MYO1D: variants seen among roughly 807,000 people sequenced by gnomAD.
MYO1D encodes myosin ID, also known as unconventional myosin-Id.
A neutral mutation model predicts 122.0 loss-of-function variants in MYO1D; 83 were observed. That is an observed-to-expected ratio of 0.68 (90% confidence interval 0.57 to 0.82). MYO1D has a LOEUF of 0.82. Ranked by LOEUF, MYO1D falls within the 40% of genes least tolerant of loss-of-function variation. The probability of loss-of-function intolerance (pLI) is 0.00; values close to 1 mark genes in which losing one functional copy is unlikely to be tolerated. For synonymous variants in MYO1D, 464 were observed against 446.9 expected (o/e 1.04, Z -0.48); for missense variants, 1,157 against 1,269.5 (o/e 0.91, Z 1.35).
intron 21 of MYO1D, among the ~76,000 whole-genome samples, chr17:32,564,551 T>C (rs2087155367): frequency 6.6e-6 from 1 of 152,186 alleles, no homozygotes; most frequent in African/African-American, 2.4e-5. Context: ...CTTCCCTCTT[T>C]CGGTATTTAT....
At chr17:32,770,559 A>C (rs990736445) in intron 6 of MYO1D, among the ~76,000 whole-genome samples, 2 of 152,164 alleles carry the variant, frequency 1.3e-5, no homozygotes, top group Admixed American at 6.5e-5. Context: ...AAATAAAATG[A>C]ACTAGAAATA....
intron 1 of MYO1D, among the ~76,000 whole-genome samples, chr17:32,795,830 G>A (rs1163455996): frequency 4.6e-5 from 7 of 151,384 alleles, no homozygotes; most frequent in Admixed American, 2.6e-4. Flanking sequence ...GTCAGACTAC[G>A]ACACTTCCTG....
At chr17:32,814,996 A>G (rs1461211850) in intron 1 of MYO1D, among the ~76,000 whole-genome samples, 1 of 152,252 alleles carries the variant, frequency 6.6e-6, no homozygotes, top group Admixed American at 6.5e-5. Context: ...AGTTAGACCT[A>G]GAAGTGTCTA....
intron 6 of MYO1D, among the ~76,000 whole-genome samples, chr17:32,769,989 A>G (rs1013060450): frequency 6.6e-6 from 1 of 152,182 alleles, no homozygotes; most frequent in African/African-American, 2.4e-5. Context: ...CCAGGTGTTG[A>G]TTTCACAATT....
At chr17:32,623,353 A>G (rs2087878008) in intron 20 of MYO1D, among the ~76,000 whole-genome samples, 1 of 152,170 alleles carries the variant, frequency 6.6e-6, no homozygotes, top group South Asian at 2.1e-4. Context: ...ACCTCAGCCA[A>G]TAACAAAGAA....
At chr17:32,699,313 C>T (rs2089216331) in intron 16 of MYO1D, among the ~76,000 whole-genome samples, 1 of 152,148 alleles carries the variant, frequency 6.6e-6, no homozygotes, top group Admixed American at 6.6e-5. Context: ...AATGATATGT[C>T]ACTGAAAATC....
intron 19 of MYO1D, among the ~76,000 whole-genome samples, chr17:32,653,570 C>A (rs2088428168): frequency 7.1e-6 from 1 of 141,268 alleles, no homozygotes; most frequent in Admixed American, 7.6e-5. Context: ...TACGCCACTG[C>A]TGTCCAGCCT....
At chr17:32,708,807 C>T (rs2089339803) in intron 16 of MYO1D, among the ~76,000 whole-genome samples, 1 of 152,182 alleles carries the variant, frequency 6.6e-6, no homozygotes, top group African/African-American at 2.4e-5. Context: ...CCCTTCACTG[C>T]ATATGTGATA....
At chr17:32,845,801 T>A (rs374703271) in intron 1 of MYO1D, among the ~76,000 whole-genome samples, 4 of 152,326 alleles carry the variant, frequency 2.6e-5, no homozygotes, top group African/African-American at 9.6e-5. Context: ...ATCACAGAAC[T>A]GATGTGATTC....
At chr17:32,841,003 G>A (rs1047032929) in intron 1 of MYO1D, among the ~76,000 whole-genome samples, 33 of 152,148 alleles carry the variant, frequency 2.2e-4, no homozygotes, top group African/African-American at 7.5e-4. Context: ...TAACACTTCA[G>A]TATAAAATAG....
At chr17:32,515,822 C>A (rs1385617524) in intron 21 of MYO1D, among the ~76,000 whole-genome samples, 1 of 152,148 alleles carries the variant, frequency 6.6e-6, no homozygotes, top group African/African-American at 2.4e-5. Flanking sequence ...AAGCCCAGAA[C>A]ACGGAGATGA....
chr17:32,790,953 T>C (rs1400622064), intron 1 of MYO1D, among the ~76,000 whole-genome samples: 1 of 152,172 alleles, frequency 6.6e-6, no homozygotes, highest in African/African-American at 2.4e-5. Flanking sequence ...AAGTACAAAA[T>C]GAGCTTGGAC....
At chr17:32,685,684 AC>A (rs1397508733) in intron 16 of MYO1D, among the ~76,000 whole-genome samples, 1 of 152,256 alleles carries the variant, frequency 6.6e-6, no homozygotes, top group Non-Finnish European at 1.5e-5. Flanking sequence ...CCTTGATTTA[AC>A]CATCAAATAA....
chr17:32,666,149 T>C (rs958227515), intron 16 of MYO1D, among the ~76,000 whole-genome samples: 1 of 152,172 alleles, frequency 6.6e-6, no homozygotes, highest in African/African-American at 2.4e-5. Context: ...GTCTAATTCC[T>C]CTTTATATAG....
chr17:32,712,064 C>G lies in MYO1D; in HGVS notation c.2045G>C (p.Arg682Pro). ...CAAGGTAAACAATGTTCGGGGTGTT[C>G]GAATGAAAATTTTGGTCTTCCCATA... ...VAYGKTKIFIRTPRTLFTLEE... is the reference protein window; with the variant it reads ...VAYGKTKIFIPTPRTLFTLEE... The change falls in exon 16 of 22, where the codon CGA (arginine) becomes CCA (proline). Residue 682 changes from arginine to proline, a missense_variant. Arg to Pro is a moderately radical substitution (Grantham distance 103, BLOSUM62 -2). Transcript: ENST00000318217. The G allele has an allele frequency of 6.2e-7, 1 of 1,614,000 alleles. No homozygotes were observed. The highest frequency in any genetic ancestry group is 8.5e-7 in the Non-Finnish European group (1 of 1,180,000).
chr17:32,692,513 G>C (rs993922587), intron 16 of MYO1D, among the ~76,000 whole-genome samples: 18 of 152,154 alleles, frequency 1.2e-4, no homozygotes, highest in African/African-American at 4.3e-4. Context: ...ATCTTTTTTA[G>C]GGTGATATTT....
At chr17:32,589,358 C>T (rs573535940) in intron 21 of MYO1D, among the ~76,000 whole-genome samples, 1 of 152,328 alleles carries the variant, frequency 6.6e-6, no homozygotes, top group South Asian at 2.1e-4. Flanking sequence ...TGCCTTCATG[C>T]ATAGAAGAGG....
intron 6 of MYO1D, among the ~76,000 whole-genome samples, chr17:32,768,485 G>T (rs371270616): frequency 5.3e-5 from 8 of 152,298 alleles, no homozygotes; most frequent in African/African-American, 1.9e-4. Flanking sequence ...AGCAGCAGCC[G>T]CAGAGGCTTG....
intron 17 of MYO1D, among the ~76,000 whole-genome samples, chr17:32,655,461 T>C (rs564233530): frequency 1.3e-5 from 2 of 152,146 alleles, no homozygotes; most frequent in Admixed American, 1.3e-4. Context: ...GTGGTTTATA[T>C]AGGGTGGTTT....
Sources: allele counts gnomAD v4.1 joint callset (sites outside exome capture counted in the v4.1 genomes callset), GRCh38; gene constraint gnomAD v4.1.1; transcripts MANE v1.5; gene names NCBI Gene and HGNC (gene_info 2026-07-23, HGNC 2026-07-21).